NF1: variants seen among roughly 807,000 people sequenced by gnomAD.
NF1 encodes the protein neurofibromin.
In NF1, 122 loss-of-function variants were observed where a neutral mutation model predicts 325.7. The ratio of observed to expected loss-of-function variants is 0.37; its 90% CI spans 0.32 to 0.44. The LOEUF (loss-of-function observed/expected upper bound fraction) is 0.44. NF1 is among the 20% of genes least tolerant of loss of function. NF1 has a pLI of 1.00. For missense variants in NF1, 2,140 were observed against 3,415.4 expected, an observed-to-expected ratio of 0.63 and a Z score of 9.31; for synonymous variants, 1,091 against 1,186.0, an observed-to-expected ratio of 0.92 and a Z score of 1.65.
At chr17:31,368,414 C>T (rs988582852) in intron 57 of NF1, among the ~76,000 whole-genome samples, 17 of 152,292 alleles carry the variant, frequency 1.1e-4, no homozygotes, top group African/African-American at 4.1e-4. Flanking sequence ...GTTAGGATTA[C>T]AGGCATGAGC....
intron 57 of NF1, among the ~76,000 whole-genome samples, chr17:31,365,278 C>CAAAAAAAAAAAAAAAA (rs67659795): frequency 1.5e-4 from 15 of 101,062 alleles, no homozygotes; most frequent in African/African-American, 6.1e-4. Flanking sequence ...GAACCTATCT[C>CAAAAAAAAAAAAAAAA]AAAAAAAAAA....
At chr17:31,116,331 T>G (rs1484320669) in intron 1 of NF1, among the ~76,000 whole-genome samples, 1 of 152,156 alleles carries the variant, frequency 6.6e-6, no homozygotes, top group African/African-American at 2.4e-5. Context: ...ATTAAAGAAC[T>G]TACCCTTTGA....
Position 31,357,038 on chromosome 17 carries a change from A to G in NF1, c.7817A>G (p.Asp2606Gly). ...VSVSESNVLL[D>G]EEVLTDPKIQ... ...GTGTCTGAATCAAATGTTCTCTTGG[A>G]TGAAGAAGTACTTACTGATCCGAAG... The change falls in exon 53 of 58, where the codon GAT (aspartate) becomes GGT (glycine). Residue 2606 changes from aspartate to glycine, a missense_variant. Around this residue, in one of 10 missense-constraint regions of NF1, gnomAD observed 522 missense variants for 749.0 expected, o/e 0.70. Coordinates refer to ENST00000358273, the MANE Select transcript of NF1 (RefSeq NM_001042492.3). 6.2e-7 allele frequency: 1 copy of G among 1,613,992 alleles called. No individual in the cohort carries two copies. The highest frequency in any genetic ancestry group is 8.5e-7 in the Non-Finnish European group (1 of 1,179,962).
At chr17:31,249,158 G>A in intron 30 of NF1, 39 bp downstream of exon 30, 1 of 1,603,962 alleles carries the variant, frequency 6.2e-7, no homozygotes, top group Non-Finnish European at 8.5e-7. Flanking sequence ...TTAATCTAAA[G>A]TTAAATTATG....
At chr17:31,303,784 T>C (rs2068631634) in intron 36 of NF1, 1 of 152,634 alleles carries the variant, frequency 6.6e-6, no homozygotes, top group South Asian at 2.1e-4. Context: ...TTCTCAAACA[T>C]GCATTTTAAT....
intron 22 of NF1, 29 bp from the exon 23 acceptor site, chr17:31,230,231 A>T: frequency 1.9e-6 from 3 of 1,610,146 alleles, no homozygotes; most frequent in Non-Finnish European, 2.5e-6. Flanking sequence ...ATATCTGATA[A>T]TTTTTTTATT....
At chr17:31,102,909 G>A (rs1054812672) in intron 1 of NF1, among the ~76,000 whole-genome samples, 1 of 150,724 alleles carries the variant, frequency 6.6e-6, no homozygotes, top group Admixed American at 6.6e-5. Context: ...GCAGTGGCAC[G>A]ATCTCAGCTC....
intron 1 of NF1, among the ~76,000 whole-genome samples, chr17:31,109,813 C>T (rs1038042527): frequency 6.6e-6 from 1 of 152,246 alleles, no homozygotes; most frequent in Admixed American, 6.5e-5. Context: ...CTTTTTGATC[C>T]TAATGTATTT....
At chr17:31,282,734 A>G (rs899456002) in intron 36 of NF1, among the ~76,000 whole-genome samples, 1 of 152,230 alleles carries the variant, frequency 6.6e-6, no homozygotes, top group Non-Finnish European at 1.5e-5. Context: ...CATACAATAT[A>G]TAAGCGTTTG....
Position 31,100,857 on chromosome 17 carries a change from C to T in NF1, c.60+5488C>T, listed in dbSNP as rs145933943. 3.1e-3 allele frequency among the ~76,000 whole-genome samples: 472 copies of T among 152,302 alleles called. 1 individual carries two copies. Among genetic ancestry groups the T allele is most frequent in the African/African-American group, 0.011 (437 of 41,558 alleles). On this transcript the variant is annotated intron_variant, in intron 1 of 57. Coordinates refer to ENST00000358273, the MANE Select transcript of NF1 (RefSeq NM_001042492.3). ...TGCTGGGATTACAGGCATGAGCCACCGTGCCCGGCCCGGAATTCATCCTTT... is the reference window on the plus strand; with the variant it reads ...TGCTGGGATTACAGGCATGAGCCACTGTGCCCGGCCCGGAATTCATCCTTT...
At chr17:31,296,097 T>C in intron 36 of NF1, 1 of 1,612,740 alleles carries the variant, frequency 6.2e-7, no homozygotes, top group Non-Finnish European at 8.5e-7. Flanking sequence ...GTCCTCAGAT[T>C]GGTATATTGG....
intron 1 of NF1, among the ~76,000 whole-genome samples, chr17:31,151,832 G>A (rs1022860373): frequency 2.6e-5 from 4 of 152,126 alleles, no homozygotes; most frequent in African/African-American, 9.7e-5. Context: ...TCAGAGGGCT[G>A]ACTGTATTTG....
At chr17:31,287,236 A>G (rs2068246126) in intron 36 of NF1, among the ~76,000 whole-genome samples, 1 of 152,234 alleles carries the variant, frequency 6.6e-6, no homozygotes. Flanking sequence ...TCTCTTGTAC[A>G]AAGGATAGTA....
chr17:31,141,750 C>G (rs56255634), intron 1 of NF1, among the ~76,000 whole-genome samples: 8,372 of 152,190 alleles, frequency 0.055, 738 homozygotes, highest in African/African-American at 0.19. Flanking sequence ...TGCAGTCAAG[C>G]TGTTGGCTGG....
At chr17:31,167,993 A>G (rs962278416) in intron 4 of NF1, among the ~76,000 whole-genome samples, 9 of 152,214 alleles carry the variant, frequency 5.9e-5, no homozygotes, top group African/African-American at 2.2e-4. Flanking sequence ...AATACAAAGT[A>G]AATGTACCCT....
rs2151537674 is a variant in NF1, at chr17:31,325,874, T to C, written c.4890T>C (p.Thr1630=). The C allele has an allele frequency of 4.3e-6, 7 of 1,614,248 alleles. No individual in the cohort carries two copies. The highest frequency in any genetic ancestry group is 5.9e-6 in the Non-Finnish European group (7 of 1,180,034). ...TGCTGATATACCATGTCTTACTGAC[T>C]TTAAAGCCATATTATGCAAAGCCAT... ...GDLLIYHVLL[T]LKPYYAKPYE... is the part of the protein sequence containing the mutation. The change falls in exon 37 of 58, where the codon ACT becomes ACC. Residue 1630 remains threonine, a synonymous_variant. Transcript: ENST00000358273.
At chr17:31,210,187 C>T (rs2066703126) in intron 12 of NF1, among the ~76,000 whole-genome samples, 1 of 152,184 alleles carries the variant, frequency 6.6e-6, no homozygotes, top group African/African-American at 2.4e-5. Flanking sequence ...TTAATCAACA[C>T]TGAATCCCTA....
intron 29 of NF1, among the ~76,000 whole-genome samples, chr17:31,237,441 A>G (rs1310110701): frequency 6.6e-6 from 1 of 152,016 alleles, no homozygotes; most frequent in East Asian, 1.9e-4. Context: ...TGCAAAATAC[A>G]AAATTTTTGT....
At chr17:31,212,613 G>A (rs1404802952) in intron 12 of NF1, among the ~76,000 whole-genome samples, 4 of 152,180 alleles carry the variant, frequency 2.6e-5, no homozygotes, top group Non-Finnish European at 5.9e-5. Flanking sequence ...GGGAGGCTGA[G>A]GCAGGAGAAT....
Sources: gnomAD v4.1 joint callset for allele counts (sites outside exome capture counted in the v4.1 genomes callset) on GRCh38, gnomAD v4.1.1 for gene constraint, gnomAD v4.1.1 regional missense constraint, MANE v1.5 for transcripts, NCBI Gene and HGNC (gene_info 2026-07-23, HGNC 2026-07-21) for gene names.